The following STK32B variants were observed in gnomAD, a reference collection of about 807,000 sequenced individuals.
STK32B encodes serine/threonine kinase 32B.
A neutral mutation model predicts 52.6 loss-of-function variants in STK32B; 43 were observed. That is an observed-to-expected ratio of 0.82 (90% CI 0.64 to 1.05). The LOEUF (loss-of-function observed/expected upper bound fraction) is 1.05, where lower values mean the gene tolerates loss of function less well. Ranked by LOEUF, STK32B falls within the 50% of genes least tolerant of loss-of-function variation. The pLI is 0.00. For missense variants in STK32B, 621 were observed against 534.6 expected (o/e 1.16, Z -1.59); for synonymous variants, 238 against 204.3 (o/e 1.17, Z -1.41).
Position 5,386,924 on chromosome 4 carries a change from C to G in STK32B, c.435-11283C>G, listed in dbSNP as rs1736292199. ...GAACATGAGGCCGTGGCCTGAGCGTCTTCACAGAAATAGGAAGCTCTCGAA... is the reference window on the plus strand; with the variant it reads ...GAACATGAGGCCGTGGCCTGAGCGTGTTCACAGAAATAGGAAGCTCTCGAA... On this transcript the variant is annotated intron_variant, in intron 4 of 11. Transcript: ENST00000282908. The surrounding 1 kb of genome is among the most constrained non-coding windows in gnomAD (Gnocchi z 4.5). Among the ~76,000 whole-genome samples, 1 of 152,202 alleles carries G rather than the reference C, an allele frequency of 6.6e-6. No homozygotes were observed. Among genetic ancestry groups the G allele is most frequent in the Non-Finnish European group, 1.5e-5 (1 of 68,044 alleles).
intron 1 of STK32B, among the ~76,000 whole-genome samples, chr4:5,112,724 A>G (rs933806460): frequency 1.3e-5 from 2 of 152,200 alleles, no homozygotes; most frequent in Non-Finnish European, 2.9e-5. Flanking sequence ...AGCTAGTACA[A>G]GAAAGCTTCT....
At chr4:5,365,553 C>A (rs1346954498) in intron 4 of STK32B, among the ~76,000 whole-genome samples, 1 of 152,202 alleles carries the variant, frequency 6.6e-6, no homozygotes, top group Non-Finnish European at 1.5e-5. Flanking sequence ...AGCTGCATAT[C>A]AAATAACACT....
At position 5,460,269 on chromosome 4, in the gene STK32B, A is replaced by G; in HGVS notation, c.909+41A>G. ...ACCTGATGTCATGCCACCCCTCTGC[A>G]GGGTCCCCGCCTTGGTGCAAAGCAA... On this transcript the variant is annotated intron_variant, in intron 9 of 11. Transcript: ENST00000282908. The surrounding 1 kb of genome is among the most constrained non-coding windows in gnomAD (Gnocchi z 4.8). 3 of 1,583,858 alleles carry G rather than the reference A, an allele frequency of 1.9e-6. No individual in the cohort carries two copies. The highest frequency in any genetic ancestry group is 2.6e-6 in the Non-Finnish European group (3 of 1,165,050).
chr4:5,145,336 A>G (rs542662554), intron 2 of STK32B, among the ~76,000 whole-genome samples: 1 of 152,338 alleles, frequency 6.6e-6, no homozygotes, highest in South Asian at 2.1e-4. Context: ...TTCAGCCTAG[A>G]GATTTGCCTG....
chr4:5,171,368 A>G (rs1412853479), intron 3 of STK32B, among the ~76,000 whole-genome samples: 5 of 151,850 alleles, frequency 3.3e-5, no homozygotes, highest in African/African-American at 4.8e-5. Flanking sequence ...TGTTTTAGAC[A>G]TGAAGTCCTT....
intron 11 of STK32B, among the ~76,000 whole-genome samples, chr4:5,488,373 A>G (rs1310293501): frequency 1.3e-5 from 2 of 152,216 alleles, no homozygotes; most frequent in African/African-American, 4.8e-5. Flanking sequence ...AGAATTAACA[A>G]ACAGAACATC....
chr4:5,490,347 TCCAC>T (rs1387111804), intron 11 of STK32B, among the ~76,000 whole-genome samples: 1 of 152,082 alleles, frequency 6.6e-6, no homozygotes, highest in Admixed American at 6.5e-5. Flanking sequence ...CCTCAGGTGA[TCCAC>T]CCACCTCAGC....
intron 11 of STK32B, among the ~76,000 whole-genome samples, chr4:5,492,090 A>C (rs1048639671): frequency 2.6e-5 from 4 of 152,070 alleles, no homozygotes; most frequent in African/African-American, 9.7e-5. Flanking sequence ...ATGAACTTTA[A>C]AGTAGTTTTT....
chr4:5,455,512 C>A (rs1716424430), intron 7 of STK32B, among the ~76,000 whole-genome samples: 1 of 152,334 alleles, frequency 6.6e-6, no homozygotes, highest in Non-Finnish European at 1.5e-5. Context: ...CCAGATCCTA[C>A]TGGTTTGCAG....
At chr4:5,397,235 T>C (rs1736978487) in intron 4 of STK32B, among the ~76,000 whole-genome samples, 1 of 152,232 alleles carries the variant, frequency 6.6e-6, no homozygotes, top group African/African-American at 2.4e-5. Flanking sequence ...TATGCATTTG[T>C]AAAATCTATG....
In STK32B at chr4:5,064,325, C is replaced by T. The variant is rs1193709422; in HGVS notation, c.52+12410C>T. On this transcript the variant is annotated intron_variant, in intron 1 of 11. Transcript: ENST00000282908. ...GATATATTTATTATAATATATAATT[C>T]TGTACTTACATAAACATAATTATAT... Among the ~76,000 whole-genome samples the T allele has an allele frequency of 1.9e-4, 27 of 140,532 alleles. No homozygotes were observed. In the South Asian group the frequency reaches 4.8e-3, roughly 25 times the overall value. The allele number at this position is 140,532 out of a possible 152,430, so 92.2% of individuals were successfully genotyped here.
At chr4:5,488,584 T>C (rs568930348) in intron 11 of STK32B, among the ~76,000 whole-genome samples, 1 of 152,314 alleles carries the variant, frequency 6.6e-6, no homozygotes, top group African/African-American at 2.4e-5. Flanking sequence ...CACAAGCCTT[T>C]CTGTGACTCA....
chr4:5,269,306 A>G (rs765916735), intron 3 of STK32B, among the ~76,000 whole-genome samples: 2 of 152,190 alleles, frequency 1.3e-5, no homozygotes, highest in Non-Finnish European at 2.9e-5. Context: ...GGAATTGAGT[A>G]GAGAACATAG....
chr4:5,385,974 A>G (rs1449235523), intron 4 of STK32B, among the ~76,000 whole-genome samples: 6 of 38,692 alleles, frequency 1.6e-4, no homozygotes, highest in Non-Finnish European at 2.4e-4. Flanking sequence ...CCCCACTCAC[A>G]GCTCCACCCA....
rs372918786 is a variant in STK32B at position 5,470,094 on chromosome 4, G to A, written c.1106+2024G>A. 6.6e-6 allele frequency among the ~76,000 whole-genome samples: 1 copy of A among 152,148 alleles called. No homozygotes were observed. Among genetic ancestry groups the A allele is most frequent in the East Asian group, 1.9e-4 (1 of 5,184 alleles). ...CACCTTTTGCTGTGTGCCAGAACAT[G>A]CTTCAATTTGGATTCTTCCTTTTAA... is the stretch of plus-strand genomic sequence containing the variant. On this transcript the variant is annotated intron_variant, in intron 11 of 11. Coordinates refer to ENST00000282908, the MANE Select transcript of STK32B (RefSeq NM_018401.3). This position sits in a 1 kb window ranked among gnomAD's most constrained non-coding sequence, Gnocchi z 4.6.
intron 3 of STK32B, among the ~76,000 whole-genome samples, chr4:5,230,209 T>A (rs1241517597): frequency 1.2e-5 from 1 of 86,708 alleles, no homozygotes; most frequent in Non-Finnish European, 2.3e-5. Flanking sequence ...TTTTTTTTTT[T>A]AGTGGAGTCT....
In STK32B at chr4:5,142,319, C is replaced by G. The variant is rs16836705; in HGVS notation, c.108+2359C>G. ...GTATTTTCTGATGATTTCTGCTTCTCTTTTACTTATGTGGACCTTCTTACA... is the reference window on the plus strand; with the variant it reads ...GTATTTTCTGATGATTTCTGCTTCTGTTTTACTTATGTGGACCTTCTTACA... On this transcript the variant is annotated intron_variant, in intron 2 of 11. Transcript: ENST00000282908. 3.9e-5 allele frequency among the ~76,000 whole-genome samples: 6 copies of G among 152,264 alleles called. No individual in the cohort carries two copies. The South Asian group carries it at 1.2e-3, about 32-fold the overall frequency.
At chr4:5,375,678 G>T (rs765705770) in intron 4 of STK32B, among the ~76,000 whole-genome samples, 3 of 152,094 alleles carry the variant, frequency 2.0e-5, no homozygotes, top group Non-Finnish European at 2.9e-5. Context: ...CTTTGTTTCT[G>T]TTTCCTCTGA....
Position 5,352,228 on chromosome 4 carries a change from C to T in STK32B, c.434+20835C>T, listed in dbSNP as rs1733874243. ...TACTTGCAAACCAAATCCAGCAACA[C>T]ATCAAAAATTAATCCACATGATCAA... On this transcript the variant is annotated intron_variant, in intron 4 of 11. Coordinates refer to ENST00000282908, the MANE Select transcript of STK32B (RefSeq NM_018401.3). Among the ~76,000 whole-genome samples, 2 of 152,032 alleles carry T rather than the reference C, an allele frequency of 1.3e-5. 1 individual carries two copies. The highest frequency in any genetic ancestry group is 4.1e-4 in the South Asian group (2 of 4,834).
Sources: gnomAD v4.1 joint callset for allele counts (sites outside exome capture counted in the v4.1 genomes callset) on GRCh38, gnomAD v4.1.1 for gene constraint, Gnocchi (gnomAD v3.1) non-coding constraint, MANE v1.5 for transcripts, NCBI Gene and HGNC (gene_info 2026-07-23, HGNC 2026-07-21) for gene names.